Variants in MAN2B1 observed in about 807,000 individuals in gnomAD.
MAN2B1 encodes mannosidase alpha class 2B member 1, also known as lysosomal alpha-mannosidase.
Under a neutral mutation model 127.5 loss-of-function variants are expected in MAN2B1, and 99 were observed. The ratio of observed to expected loss-of-function variants is 0.78; its 90% CI spans 0.66 to 0.92. MAN2B1 has a LOEUF of 0.92. Ranked by LOEUF, MAN2B1 falls within the 40% of genes least tolerant of loss-of-function variation. The pLI is 0.00. For missense variants in MAN2B1, 1,304 were observed against 1,384.8 expected (o/e 0.94, Z 0.93); for synonymous variants, 573 against 568.8 (o/e 1.01, Z -0.11).
chr19:12,655,820 G>C lies in MAN2B1; in HGVS notation c.1704C>G (p.Ala568=). 1 of 1,613,692 alleles carries C rather than the reference G, an allele frequency of 6.2e-7. No homozygotes were observed. The highest frequency in any genetic ancestry group is 8.5e-7 in the Non-Finnish European group (1 of 1,179,770). ...QAHPPELLFS[A]SLPALGFSTY... Reference sequence around the variant, plus strand: ...TGCTGAAGCCCAGGGCGGGCAGTGAGGCTGAGAACAGCAGCTCCGGAGGGT... The same window carrying C: ...TGCTGAAGCCCAGGGCGGGCAGTGACGCTGAGAACAGCAGCTCCGGAGGGT... The change falls in exon 14 of 24, where the codon GCC becomes GCG. Residue 568 remains alanine (A), a synonymous_variant. Transcript: ENST00000456935.
chr19:12,661,292 G>A lies in MAN2B1; in HGVS notation c.994C>T (p.Leu332Phe). The A allele has an allele frequency of 6.2e-7, 1 of 1,614,052 alleles. No individual in the cohort carries two copies. Among genetic ancestry groups the A allele is most frequent in the Non-Finnish European group, 8.5e-7 (1 of 1,179,894 alleles). Residue 332 changes from leucine (L) to phenylalanine (F), a missense_variant, in exon 7 of 24, where the codon CTT becomes TTT. Transcript: ENST00000456935. ...TTTACCAGCCGGATGAGCTTGTCAA[G>A]GTTCTTGAACCACATGTTGGCATTC... is the stretch of plus-strand genomic sequence containing the variant. ...YENANMWFKN[L>F]DKLIRLVNAQ...
intron 7 of MAN2B1, among the ~76,000 whole-genome samples, chr19:12,659,458 C>G (rs963056811): frequency 6.6e-6 from 1 of 151,964 alleles, no homozygotes; most frequent in African/African-American, 2.4e-5. Context: ...AGTGCCATCA[C>G]GCCCACCTAA....
rs759819029 is a variant in MAN2B1 at position 12,658,311 on chromosome 19, C to G, written c.1143G>C (p.Ala381=). ...CGGTCCAGAACTGGTGGGGGCCATCCGCGTAAGGGAAGAAGTCGTCATGTT... is the reference window on the plus strand; with the variant it reads ...CGGTCCAGAACTGGTGGGGGCCATCGGCGTAAGGGAAGAAGTCGTCATGTT... ...SVKHDDFFPY[A]DGPHQFWTGY... Residue 381 remains alanine, a synonymous_variant, in exon 9 of 24, where the codon GCG becomes GCC. Transcript: ENST00000456935. 1.2e-6 allele frequency: 2 copies of G among 1,614,174 alleles called. No homozygotes were observed. Among genetic ancestry groups the G allele is most frequent in the South Asian group, 2.2e-5 (2 of 91,086 alleles).
intron 13 of MAN2B1, 170 bp from the exon 14 acceptor site, chr19:12,656,049 C>G (rs1355800058): frequency 3.1e-5 from 18 of 585,414 alleles, no homozygotes; most frequent in Non-Finnish European, 4.5e-5. Flanking sequence ...AGAGAAGATT[C>G]ACCAGGTGGA....
Position 12,648,285 on chromosome 19 carries a change from C to T in MAN2B1, c.2554G>A (p.Ala852Thr). 2 of 1,611,162 alleles carry T rather than the reference C, an allele frequency of 1.2e-6. No individual in the cohort carries two copies. The highest frequency in any genetic ancestry group is 8.5e-7 in the Non-Finnish European group (1 of 1,179,314). Residue 852 changes from alanine (A) to threonine (T), a missense_variant, in exon 21 of 24, where the codon GCA becomes ACA. By Grantham distance (58) the Ala-to-Thr change is moderately conservative. Transcript: ENST00000456935. Reference sequence around the variant, plus strand: ...GCCAGGAGCCGGTGTCCGGCGGCTGCAGCCTGGGCTGTGTCCAGCAGCACC... The same window carrying T: ...GCCAGGAGCCGGTGTCCGGCGGCTGTAGCCTGGGCTGTGTCCAGCAGCACC... Reference protein sequence around the residue: ...HLVLLDTAQAAAAGHRLLAEQ... With the variant: ...HLVLLDTAQATAAGHRLLAEQ...
intron 4 of MAN2B1, 36 bp from the exon 5 acceptor site, chr19:12,663,871 T>C (rs2145283524): frequency 6.2e-7 from 1 of 1,613,742 alleles, no homozygotes; most frequent in Non-Finnish European, 8.5e-7. Flanking sequence ...TGTGAATTAG[T>C]GCCCAGCCCT....
chr19:12,662,177 T>C (rs2024123749), intron 6 of MAN2B1, among the ~76,000 whole-genome samples: 1 of 152,054 alleles, frequency 6.6e-6, no homozygotes, highest in Admixed American at 6.6e-5. Flanking sequence ...AAAAAATTTT[T>C]TTAAGGAGAA....
intron 16 of MAN2B1, 142 bp from the exon 17 acceptor site, chr19:12,650,364 T>C (rs1200651731): frequency 1.5e-6 from 1 of 666,944 alleles, no homozygotes; most frequent in African/African-American, 1.8e-5. Flanking sequence ...ATTCTTTTTT[T>C]TTTTTTTTTT....
intron 4 of MAN2B1, 97 bp downstream of exon 4, chr19:12,664,695 T>G: frequency 1.5e-6 from 2 of 1,291,056 alleles, no homozygotes; most frequent in South Asian, 1.3e-5. Flanking sequence ...CTGGGCCTGG[T>G]CCTTGTGAGA....
At chr19:12,666,239 C>G (rs1206614805) in intron 1 of MAN2B1, among the ~76,000 whole-genome samples, 1 of 152,074 alleles carries the variant, frequency 6.6e-6, no homozygotes, top group African/African-American at 2.4e-5. Context: ...TCTCAGCCAG[C>G]ACCTCCCCCC....
Position 12,658,327 on chromosome 19 carries a change from T to C in MAN2B1, c.1127A>G (p.Asp376Gly). 5 of 1,614,180 alleles carry C rather than the reference T, an allele frequency of 3.1e-6. No homozygotes were observed. Among genetic ancestry groups the C allele is most frequent in the Non-Finnish European group, 4.2e-6 (5 of 1,180,032 alleles). ...GGGGCCATCCGCGTAAGGGAAGAAG[T>C]CGTCATGTTTCACTGACCTACAGCG... Reference protein sequence around the residue: ...ANLTWSVKHDDFFPYADGPHQ... With the variant: ...ANLTWSVKHDGFFPYADGPHQ... Residue 376 changes from aspartate to glycine, a missense_variant, in exon 9 of 24, where the codon GAC becomes GGC. Physicochemically the swap from Asp to Gly is moderately conservative, Grantham distance 94. Transcript: ENST00000456935.
intron 10 of MAN2B1, 192 bp downstream of exon 10, chr19:12,657,871 C>A (rs2024006242): frequency 8.0e-6 from 5 of 621,452 alleles, no homozygotes; most frequent in Middle Eastern, 4.5e-4. Context: ...AGGAGAATGG[C>A]GTGAACACGG....
rs2145293824 is a variant in MAN2B1 at position 12,666,536 on chromosome 19, C to T, written c.159+7G>A. The T allele has an allele frequency of 6.3e-7, 1 of 1,579,754 alleles. No homozygotes were observed. The highest frequency in any genetic ancestry group is 8.6e-7 in the Non-Finnish European group (1 of 1,162,962). On this transcript the variant is annotated splice_region_variant and intron_variant, in intron 1 of 23. Coordinates refer to ENST00000456935, the MANE Select transcript of MAN2B1 (RefSeq NM_000528.4). ...CCTGTACGTTTCAGCTCGGAGGCCC[C>T]ACTCACCTCGTATCCCCCGGCCCGA...
In MAN2B1 at chr19:12,650,103, C is replaced by T. The variant is rs80338679; in HGVS notation, c.2165+1G>A. 6.2e-7 allele frequency: 1 copy of T among 1,613,124 alleles called. No individual in the cohort carries two copies. On this transcript the variant is annotated splice_donor_variant, in intron 17 of 23. Transcript: ENST00000456935. LOFTEE classifies it high-confidence loss of function. Reference sequence around the variant, plus strand: ...CCCCTCTCCCAGCCTGTGCCACTCACCCCACAGGTATCGGCCCCACCGACC... The same window carrying T: ...CCCCTCTCCCAGCCTGTGCCACTCATCCCACAGGTATCGGCCCCACCGACC...
rs756475764 is a variant in MAN2B1 at position 12,648,334 on chromosome 19, C to T, written c.2505G>A (p.Gly835=). 1.2e-6 allele frequency: 2 copies of T among 1,613,804 alleles called. No individual in the cohort carries two copies. Among genetic ancestry groups the T allele is most frequent in the Non-Finnish European group, 8.5e-7 (1 of 1,179,934 alleles). The part of the protein sequence containing the change: ...VSEPLMENGS[G]AWVRGRHLVL... Reference sequence around the variant, plus strand: ...CCAGGTGGCGCCCTCGCACCCACGCCCCCGACCCGTTCTCCATTAGTGGCT... The same window carrying T: ...CCAGGTGGCGCCCTCGCACCCACGCTCCCGACCCGTTCTCCATTAGTGGCT... Residue 835 remains glycine (G), a synonymous_variant, in exon 21 of 24, where the codon GGG becomes GGA. Coordinates refer to ENST00000456935, the MANE Select transcript of MAN2B1 (RefSeq NM_000528.4).
At chr19:12,662,172 A>C (rs1015269599) in intron 6 of MAN2B1, among the ~76,000 whole-genome samples, 2 of 151,960 alleles carry the variant, frequency 1.3e-5, no homozygotes, top group African/African-American at 4.8e-5. Flanking sequence ...GGAAAAAAAA[A>C]TTTTTTTAAG....
intron 7 of MAN2B1, among the ~76,000 whole-genome samples, chr19:12,660,466 C>T (rs1005464436): frequency 2.0e-5 from 3 of 152,142 alleles, no homozygotes; most frequent in African/African-American, 7.2e-5. Flanking sequence ...CACGCCACTG[C>T]ACTCCAGCCT....
Position 12,664,963 on chromosome 19 carries a change from A to G in MAN2B1, c.459T>C (p.Gly153=). ...CTGCCTCATCGTTCATCACCCAGCCACCATTGGCGAACTCCAGGCGCCCTG... is the reference window on the plus strand; with the variant it reads ...CTGCCTCATCGTTCATCACCCAGCCGCCATTGGCGAACTCCAGGCGCCCTG... ...VRQGRLEFAN[G]GWVMNDEAAT... The change falls in exon 4 of 24, where the codon GGT becomes GGC. Residue 153 remains glycine (G), a synonymous_variant. Transcript: ENST00000456935. 6.2e-7 allele frequency: 1 copy of G among 1,613,894 alleles called. No individual in the cohort carries two copies. The highest frequency in any genetic ancestry group is 8.5e-7 in the Non-Finnish European group (1 of 1,180,026).
At chr19:12,649,021 G>A (rs1393902314) in intron 20 of MAN2B1, 115 bp downstream of exon 20, 7 of 835,796 alleles carry the variant, frequency 8.4e-6, no homozygotes, top group Admixed American at 6.1e-5. Flanking sequence ...AAGAAACGGA[G>A]TCCTCAGCTT....
Sources: gnomAD v4.1 joint callset for allele counts (sites outside exome capture counted in the v4.1 genomes callset) on GRCh38, gnomAD v4.1.1 for gene constraint, MANE v1.5 for transcripts, NCBI Gene and HGNC (gene_info 2026-07-23, HGNC 2026-07-21) for gene names.